Variants in LPA observed in about 807,000 individuals in gnomAD.
LPA encodes lipoprotein(a), also known as apolipoprotein(a).
LPA carries 199 observed loss-of-function variants against 197.9 expected under a neutral mutation model. That is an observed-to-expected ratio of 1.01 (90% CI 0.90 to 1.13). LPA has a LOEUF of 1.13. Among genes scored for constraint, LPA ranks in the 50% most tolerant of loss-of-function variants. The pLI, the probability that LPA is intolerant of heterozygous loss-of-function variation, is 0.00. For missense variants in LPA, 1,853 were observed against 1,785.8 expected, an observed-to-expected ratio of 1.04 and a Z score of -0.68; for synonymous variants, 715 against 639.5, an observed-to-expected ratio of 1.12 and a Z score of -1.78.
At chr6:160,542,597 C>T in intron 34 of LPA, 91 bp downstream of exon 34, 5 of 1,580,432 alleles carry the variant, frequency 3.2e-6, no homozygotes, top group Middle Eastern at 2.3e-4. Flanking sequence ...GGTATTGATG[C>T]ATCAGCTGTG....
rs1778256671 is a variant in LPA, at chr6:160,556,022, T to TA, written c.4973+2dup. 6.3e-7 allele frequency: 1 copy of TA among 1,597,464 alleles called. No individual in the cohort carries two copies. Among genetic ancestry groups the TA allele is most frequent in the East Asian group, 2.2e-5 (1 of 44,758 alleles). On this transcript the variant is annotated splice_region_variant and intron_variant, in intron 30 of 38. Transcript: ENST00000316300. ...CCTCTTACAAGTAACATCAAAGACA[T>TA]ACTCATTTGGGTAGTTTTCTGGGGT...
At chr6:160,588,976 G>A (rs1042432591) in intron 24 of LPA, among the ~76,000 whole-genome samples, 1 of 152,160 alleles carries the variant, frequency 6.6e-6, no homozygotes, top group African/African-American at 2.4e-5. Context: ...CTTCCTGAAT[G>A]TGTAACTCTT....
chr6:160,531,728 A>G lies in LPA; in HGVS notation c.*1T>C, dbSNP rs372572292. 1.3e-4 allele frequency: 204 copies of G among 1,613,984 alleles called. No homozygotes were observed. The African/African-American group carries it at 2.1e-3, about 17-fold the overall frequency. On this transcript the variant is annotated 3_prime_UTR_variant, in exon 39 of 39. Coordinates refer to ENST00000316300, the MANE Select transcript of LPA (RefSeq NM_005577.4). The stretch of plus-strand genomic sequence containing the variant: ...GATGCTTCACTCTGTCTCCCGTCCA[A>G]TTAATTATTTCTCATCATTCCCTCA...
At chr6:160,583,940 A>G (rs77009508) in intron 26 of LPA, among the ~76,000 whole-genome samples, 6,065 of 152,222 alleles carry the variant, frequency 0.04, 218 homozygotes, top group Non-Finnish European at 0.067. Context: ...CAGTTTTTCC[A>G]TATTATTCAT....
At chr6:160,576,340 GTATATATATATA>G (rs71542980) in intron 28 of LPA, among the ~76,000 whole-genome samples, 1 of 40,394 alleles carries the variant, frequency 2.5e-5, no homozygotes, top group Non-Finnish European at 4.5e-5. Context: ...GTGTGTGTGT[GTATATATATATA>G]TATATATATA....
intron 18 of LPA, among the ~76,000 whole-genome samples, chr6:160,601,737 T>C (rs1156483066): frequency 1.3e-5 from 2 of 152,224 alleles, no homozygotes. Flanking sequence ...GCAAGACTTC[T>C]CAAAGCTGCC....
intron 2 of LPA, among the ~76,000 whole-genome samples, chr6:160,648,883 T>C (rs1211537730): frequency 6.6e-6 from 1 of 152,210 alleles, no homozygotes; most frequent in African/African-American, 2.4e-5. Context: ...TAATCATTTC[T>C]GTCTCTTCTG....
At chr6:160,559,947 A>C (rs953849151) in intron 28 of LPA, among the ~76,000 whole-genome samples, 1 of 151,630 alleles carries the variant, frequency 6.6e-6, no homozygotes, top group Non-Finnish European at 1.5e-5. Context: ...CCTAGCCTCA[A>C]CTCCCCAACA....
intron 1 of LPA, 28 bp downstream of exon 1, chr6:160,664,138 C>A (rs199739064): frequency 8.6e-4 from 1,350 of 1,578,704 alleles, no homozygotes; most frequent in Middle Eastern, 2.5e-3. Flanking sequence ...AAAAATAATT[C>A]TTATAATTTA....
At chr6:160,553,962 C>CGT (rs1778212754) in intron 30 of LPA, among the ~76,000 whole-genome samples, 3 of 37,350 alleles carry the variant, frequency 8.0e-5, no homozygotes, top group African/African-American at 1.8e-4. Flanking sequence ...TGTGCGCGCG[C>CGT]GCGCGTGTGC....
At chr6:160,581,115 G>A (rs575940485) in intron 26 of LPA, among the ~76,000 whole-genome samples, 42 of 152,128 alleles carry the variant, frequency 2.8e-4, no homozygotes, top group African/African-American at 7.9e-4. Flanking sequence ...GGATTCAAGC[G>A]TCACATTTGT....
chr6:160,572,169 C>T (rs982916785), intron 28 of LPA, among the ~76,000 whole-genome samples: 1 of 152,140 alleles, frequency 6.6e-6, no homozygotes, highest in East Asian at 1.9e-4. Context: ...GAGGTGACAC[C>T]CCACCCTGCT....
At chr6:160,598,273 CA>C (rs1490838258) in intron 20 of LPA, among the ~76,000 whole-genome samples, 2 of 152,164 alleles carry the variant, frequency 1.3e-5, no homozygotes, top group African/African-American at 4.8e-5. Flanking sequence ...TTTAGACTAA[CA>C]CTTGAGGAGA....
chr6:160,649,494 A>G (rs746087330), intron 2 of LPA, among the ~76,000 whole-genome samples: 13 of 151,774 alleles, frequency 8.6e-5, no homozygotes, highest in Admixed American at 6.6e-4. Context: ...ATAATCCCAA[A>G]CTCCAATGTC....
At chr6:160,615,244 G>C (rs1396317283) in intron 14 of LPA, among the ~76,000 whole-genome samples, 2 of 136,370 alleles carry the variant, frequency 1.5e-5, no homozygotes. Context: ...ACATGTCTGT[G>C]AGGCTCGCTT....
At chr6:160,604,127 C>G (rs1400821098) in intron 18 of LPA, among the ~76,000 whole-genome samples, 1 of 152,178 alleles carries the variant, frequency 6.6e-6, no homozygotes, top group Non-Finnish European at 1.5e-5. Context: ...CCTGGAGCTC[C>G]TTTCATCCAC....
At chr6:160,548,411 T>C in intron 31 of LPA, 67 bp downstream of exon 31, 1 of 1,544,230 alleles carries the variant, frequency 6.5e-7, no homozygotes, top group South Asian at 1.1e-5. Flanking sequence ...TTTTCATGTC[T>C]TTTCATCCCG....
chr6:160,611,500 T>C (rs1371805166), intron 16 of LPA, 62 bp downstream of exon 16: 21 of 1,596,602 alleles, frequency 1.3e-5, no homozygotes, highest in Non-Finnish European at 1.7e-5. Context: ...TTGAAGCATG[T>C]CTCTTGTCAC....
intron 1 of LPA, among the ~76,000 whole-genome samples, chr6:160,657,643 C>T (rs531039190): frequency 1.9e-4 from 29 of 152,174 alleles, no homozygotes; most frequent in South Asian, 4.2e-4. Flanking sequence ...GTGATCTGCC[C>T]GCCCCCGCCT....
Sources: gnomAD v4.1 joint callset for allele counts (sites outside exome capture counted in the v4.1 genomes callset) on GRCh38, gnomAD v4.1.1 for gene constraint, MANE v1.5 for transcripts, NCBI Gene and HGNC (gene_info 2026-07-23, HGNC 2026-07-21) for gene names.